Variants in ZSCAN5A observed in about 807,000 individuals in gnomAD.
The protein encoded by ZSCAN5A is zinc finger and SCAN domain-containing protein 5A.
A neutral mutation model predicts 23.7 loss-of-function variants in ZSCAN5A; 12 were observed. The ratio of observed to expected loss-of-function variants is 0.51; its 90% CI spans 0.32 to 0.82. The LOEUF (loss-of-function observed/expected upper bound fraction) is 0.82. Among genes scored for constraint, ZSCAN5A ranks in the 40% least tolerant of loss-of-function variants. ZSCAN5A has a pLI of 0.03. For synonymous variants in ZSCAN5A, 257 were observed against 239.9 expected (o/e 1.07, Z -0.66); for missense variants, 597 against 617.9 (o/e 0.97, Z 0.36).
intron 2 of ZSCAN5A, among the ~76,000 whole-genome samples, chr19:56,350,992 C>A (rs977865883): frequency 6.6e-6 from 1 of 151,178 alleles, no homozygotes; most frequent in Non-Finnish European, 1.5e-5. Context: ...CAATTGCTGT[C>A]CCCCCCCAAC....
At chr19:56,231,882 C>T (rs908955378) in intron 2 of ZSCAN5A, among the ~76,000 whole-genome samples, 3 of 152,176 alleles carry the variant, frequency 2.0e-5, no homozygotes, top group African/African-American at 4.8e-5. Context: ...AACGCTTCCC[C>T]AGGCTCTTCA....
chr19:56,343,117 A>AGG (rs2041607605), intron 2 of ZSCAN5A: 9 of 752,120 alleles, frequency 1.2e-5, no homozygotes, highest in Non-Finnish European at 2.2e-5. Flanking sequence ...AATGATCCAC[A>AGG]ATTTCATCCT....
intron 3 of ZSCAN5A, chr19:56,224,402 G>C (rs2033679355): frequency 1.8e-6 from 1 of 560,708 alleles, no homozygotes; most frequent in Non-Finnish European, 3.1e-6. Context: ...TGCCGTCTCA[G>C]CACAGCTGAT....
chr19:56,333,211 A>G (rs917859075), intron 2 of ZSCAN5A, among the ~76,000 whole-genome samples: 1 of 152,014 alleles, frequency 6.6e-6, no homozygotes, highest in African/African-American at 2.4e-5. Context: ...CCTCTCCAGC[A>G]AGATTAGGGA....
intron 2 of ZSCAN5A, among the ~76,000 whole-genome samples, chr19:56,332,255 A>T (rs929247885): frequency 1.3e-5 from 2 of 152,196 alleles, no homozygotes; most frequent in African/African-American, 4.8e-5. Flanking sequence ...TAATGCTGTC[A>T]GTGGGGTGTT....
chr19:56,221,675 C>T lies in ZSCAN5A; in HGVS notation c.1391G>A (p.Gly464Glu), dbSNP rs759953639. The T allele has an allele frequency of 1.2e-6, 2 of 1,614,218 alleles. No individual in the cohort carries two copies. The highest frequency in any genetic ancestry group is 1.3e-5 in the African/African-American group (1 of 75,056). ...CTTGGAACATTTGTAGGGTTTCTCT[C>T]CGGAGTGGATGCGCTGGTGCTCCTT... is the stretch of plus-strand genomic sequence containing the variant. Reference protein sequence around the residue: ...SLKEHQRIHSGEKPYKCSKCP... With the variant: ...SLKEHQRIHSEEKPYKCSKCP... Residue 464 changes from glycine (G) to glutamate (E), a missense_variant, in exon 6 of 6, where the codon GGA becomes GAA. This residue lies in a region of ZSCAN5A where 87 missense variants were observed against 74.4 expected (regional missense o/e 1.17). Transcript: ENST00000683990.
intron 2 of ZSCAN5A, among the ~76,000 whole-genome samples, chr19:56,324,461 CT>C (rs2041413961): frequency 6.6e-6 from 1 of 152,036 alleles, no homozygotes; most frequent in African/African-American, 2.4e-5. Context: ...GTTAAAATGG[CT>C]TTTATCAGAA....
rs59525392 is a variant in ZSCAN5A, at chr19:56,231,996, C to CTTTTTTTTTTTTTT, written c.-127-6824_-127-6823insAAAAAAAAAAAAAA. ...TCTTTTTTCTTTCTTTTTTTCTTTTCTTTTTTTTTGAGACAGTGTCTTGCT... is the reference window on the plus strand; with the variant it reads ...TCTTTTTTCTTTCTTTTTTTCTTTTCTTTTTTTTTTTTTTTTTTTTTTTGAGACAGTGTCTTGCT... On this transcript the variant is annotated intron_variant, in intron 2 of 5. Coordinates refer to ENST00000683990, the MANE Select transcript of ZSCAN5A (RefSeq NM_001322064.3). Among the ~76,000 whole-genome samples the CTTTTTTTTTTTTTT allele has an allele frequency of 2.7e-4, 34 of 124,974 alleles. 3 individuals carry two copies. The highest frequency in any genetic ancestry group is 4.8e-4 in the African/African-American group (16 of 33,330). The allele number at this position is 124,974 out of a possible 152,430, so 82.0% of individuals were successfully genotyped here. A position where few individuals can be genotyped will look rare whatever the true frequency, so the allele number is the denominator to read the frequency against.
chr19:56,353,383 T>C lies in ZSCAN5A; in HGVS notation c.-358+9852A>G, dbSNP rs193012104. ...TGTGCATTAAGACTATTTGGTGCCA[T>C]TGTTTTACTGGGCTGAGCTTATTTC... On this transcript the variant is annotated intron_variant, in intron 2 of 6. Transcript: ENST00000587340. Among the ~76,000 whole-genome samples, 273 of 152,324 alleles carry C rather than the reference T, an allele frequency of 1.8e-3. 2 individuals carry two copies. The highest frequency in any genetic ancestry group is 1.3e-3 in the Non-Finnish European group (87 of 68,018).
intron 2 of ZSCAN5A, among the ~76,000 whole-genome samples, chr19:56,279,233 A>G (rs764676441): frequency 2.0e-5 from 3 of 152,118 alleles, no homozygotes; most frequent in African/African-American, 2.4e-5. Context: ...TCTTTGGATG[A>G]TACTTCGAGA....
At chr19:56,227,657 G>A (rs182395736) in intron 2 of ZSCAN5A, among the ~76,000 whole-genome samples, 36 of 152,316 alleles carry the variant, frequency 2.4e-4, no homozygotes. Flanking sequence ...GGTCACCCAG[G>A]TAGGGACACT....
In ZSCAN5A at chr19:56,223,822, A is replaced by G; in HGVS notation, c.397T>C (p.Phe133Leu). ...TGCACAATATATTCCTTTCCGTGGA[A>G]GGTGACCACAGACTGTAGAGAGAAA... The part of the protein sequence containing the change: ...RRPKKWSVVT[F>L]HGKEYIVQDS... The change falls in exon 4 of 6, where the codon TTC (phenylalanine) becomes CTC (leucine). Residue 133 changes from phenylalanine to leucine, a missense_variant. Transcript: ENST00000683990. The G allele has an allele frequency of 6.2e-7, 1 of 1,611,944 alleles. No individual in the cohort carries two copies. The highest frequency in any genetic ancestry group is 8.5e-7 in the Non-Finnish European group (1 of 1,179,960).
chr19:56,288,016 T>C (rs373490001), intron 2 of ZSCAN5A, among the ~76,000 whole-genome samples: 4 of 152,156 alleles, frequency 2.6e-5, no homozygotes, highest in East Asian at 3.9e-4. Context: ...TGATTCCACT[T>C]TTCTGATGAG....
At chr19:56,300,194 C>T (rs2040136347) in intron 2 of ZSCAN5A, among the ~76,000 whole-genome samples, 1 of 151,844 alleles carries the variant, frequency 6.6e-6, no homozygotes, top group Non-Finnish European at 1.5e-5. Flanking sequence ...AGCATTAAAC[C>T]AGAACATGAT....
intron 2 of ZSCAN5A, chr19:56,243,931 G>A (rs1364602387): frequency 8.9e-6 from 5 of 562,278 alleles, no homozygotes; most frequent in Non-Finnish European, 1.6e-5. Flanking sequence ...CTTCTGAACA[G>A]TGAATCTATT....
At chr19:56,357,238 G>C (rs2041705301) in intron 2 of ZSCAN5A, among the ~76,000 whole-genome samples, 1 of 148,438 alleles carries the variant, frequency 6.7e-6, no homozygotes. Flanking sequence ...AGTTTGGAGA[G>C]TGAGGAATAA....
intron 2 of ZSCAN5A, among the ~76,000 whole-genome samples, chr19:56,345,825 A>C (rs1012061412): frequency 1.3e-5 from 2 of 152,234 alleles, no homozygotes; most frequent in African/African-American, 4.8e-5. Context: ...CTAACTGTCT[A>C]AACTATACAC....
rs1600162958 is a variant in ZSCAN5A at position 56,277,986 on chromosome 19, C to T, written c.-128+35297G>A. On this transcript the variant is annotated intron_variant, in intron 2 of 5. Transcript: ENST00000683990. ...TTTTAGTGAAATGGCTGTTTCCAAACCAAAAAAGTTTAGTAAGAAAGGTAT... is the reference window on the plus strand; with the variant it reads ...TTTTAGTGAAATGGCTGTTTCCAAATCAAAAAAGTTTAGTAAGAAAGGTAT... Among the ~76,000 whole-genome samples the T allele has an allele frequency of 2.0e-5, 3 of 147,038 alleles. No homozygotes were observed. In the South Asian group the frequency reaches 6.9e-4, roughly 34 times the overall value.
chr19:56,225,270 C>G (rs1289993934), intron 2 of ZSCAN5A, 97 bp from the exon 3 acceptor site: 2 of 1,191,382 alleles, frequency 1.7e-6, no homozygotes, highest in African/African-American at 3.1e-5. Context: ...TCTTCAGCAG[C>G]ATCGAATTCA....
Sources: allele counts gnomAD v4.1 joint callset (sites outside exome capture counted in the v4.1 genomes callset), GRCh38; gene constraint gnomAD v4.1.1; regional missense constraint gnomAD v4.1.1; transcripts MANE v1.5; gene names NCBI Gene and HGNC (gene_info 2026-07-23, HGNC 2026-07-21).